Variants in NCKAP5 observed in about 807,000 individuals in gnomAD.
The protein encoded by NCKAP5 is nck-associated protein 5.
In NCKAP5, 92 loss-of-function variants were observed where a neutral mutation model predicts 167.0. The observed-to-expected ratio is 0.55, with a 90% CI of 0.47 to 0.66. NCKAP5 has a LOEUF of 0.66. NCKAP5 is among the 30% of genes least tolerant of loss of function. The pLI, the probability that NCKAP5 is intolerant of heterozygous loss-of-function variation, is 0.00. For synonymous variants in NCKAP5, 891 were observed against 877.4 expected (o/e 1.02, Z -0.27); for missense variants, 2,378 against 2,315.0 (o/e 1.03, Z -0.56).
At chr2:133,482,274 A>G (rs1246462425) in intron 3 of NCKAP5, among the ~76,000 whole-genome samples, 1 of 151,400 alleles carries the variant, frequency 6.6e-6, no homozygotes, top group Non-Finnish European at 1.5e-5. Context: ...CTGGAGTGCA[A>G]TGGTGTGATC....
the NCKAP5 span, among the ~76,000 whole-genome samples, chr2:133,610,690 A>G: frequency 6.6e-6 from 1 of 152,018 alleles, no homozygotes; most frequent in Non-Finnish European, 1.5e-5. Context: ...GTTAATAAAC[A>G]CACACACACA....
chr2:133,645,814 C>A, the NCKAP5 span, among the ~76,000 whole-genome samples: 5 of 151,742 alleles, frequency 3.3e-5, no homozygotes, highest in Non-Finnish European at 7.4e-5. Context: ...GATAACATAG[C>A]ATAAAAGTAT....
At chr2:133,536,112 C>A (rs1302923532) in intron 2 of NCKAP5, among the ~76,000 whole-genome samples, 1 of 152,014 alleles carries the variant, frequency 6.6e-6, no homozygotes, top group African/African-American at 2.4e-5. Flanking sequence ...TTGTTTATTT[C>A]TTTTGCTGTG....
At chr2:132,740,303 A>G (rs1173606092) in intron 16 of NCKAP5, among the ~76,000 whole-genome samples, 1 of 152,170 alleles carries the variant, frequency 6.6e-6, no homozygotes, top group Non-Finnish European at 1.5e-5. Context: ...GCAAGTGGTC[A>G]TGTAAATAAG....
intron 13 of NCKAP5, among the ~76,000 whole-genome samples, chr2:132,786,654 A>AG (rs936026938): frequency 2.0e-5 from 3 of 152,032 alleles, no homozygotes; most frequent in Non-Finnish European, 2.9e-5. Context: ...AAGAAATGGA[A>AG]GGGGGAAAAA....
chr2:133,480,260 G>A (rs1262730213), intron 3 of NCKAP5, among the ~76,000 whole-genome samples: 1 of 152,068 alleles, frequency 6.6e-6, no homozygotes, highest in Non-Finnish European at 1.5e-5. Context: ...ATAAATAGAG[G>A]ATGGTAGGGG....
intron 15 of NCKAP5, 145 bp from the exon 16 acceptor site, chr2:132,774,039 T>A (rs575554493): frequency 3.7e-6 from 2 of 542,616 alleles, no homozygotes; most frequent in African/African-American, 3.9e-5. Context: ...TGAGTATGTA[T>A]GTATACATAT....
chr2:133,323,202 G>T (rs1682186867), intron 3 of NCKAP5, among the ~76,000 whole-genome samples: 1 of 152,024 alleles, frequency 6.6e-6, no homozygotes, highest in Admixed American at 6.6e-5. Context: ...TGGATATTTG[G>T]CAATTTTCTT....
At chr2:133,441,377 C>T (rs1559487174) in intron 3 of NCKAP5, among the ~76,000 whole-genome samples, 1 of 152,156 alleles carries the variant, frequency 6.6e-6, no homozygotes, top group Non-Finnish European at 1.5e-5. Flanking sequence ...GATCTAGACT[C>T]AGAATCATGC....
intron 2 of NCKAP5, among the ~76,000 whole-genome samples, chr2:133,519,925 C>T (rs948781210): frequency 6.6e-6 from 1 of 152,140 alleles, no homozygotes; most frequent in African/African-American, 2.4e-5. Flanking sequence ...CGGTGGCTCA[C>T]ACCTGTCATC....
intron 3 of NCKAP5, among the ~76,000 whole-genome samples, chr2:133,426,945 T>C (rs977253004): frequency 6.6e-6 from 1 of 152,176 alleles, no homozygotes; most frequent in African/African-American, 2.4e-5. Flanking sequence ...CATAAAGTAG[T>C]GTAATGCAGT....
At chr2:132,882,880 G>C (rs1265438078) in intron 8 of NCKAP5, among the ~76,000 whole-genome samples, 1 of 151,796 alleles carries the variant, frequency 6.6e-6, no homozygotes, top group Non-Finnish European at 1.5e-5. Flanking sequence ...GTCTTCCTCT[G>C]TTACTTTTAA....
At chr2:132,714,813 A>T in intron 19 of NCKAP5, 1 of 27,682 alleles carries the variant, frequency 3.6e-5, no homozygotes, top group South Asian at 6.1e-4. Context: ...AATCCATCTC[A>T]AAAAAAAAAA....
At chr2:133,015,055 T>A (rs6708179) in intron 6 of NCKAP5, among the ~76,000 whole-genome samples, 43,219 of 151,908 alleles carry the variant, frequency 0.28, 6,599 homozygotes, top group East Asian at 0.62. Context: ...AATGAACACA[T>A]ACACTTTATA....
chr2:132,927,376 A>ATT (rs57951894), intron 8 of NCKAP5, among the ~76,000 whole-genome samples: 39 of 151,112 alleles, frequency 2.6e-4, no homozygotes, highest in African/African-American at 9.0e-4. Context: ...TACTTTTAGG[A>ATT]TTTTTTTTTC....
At chr2:133,460,848 T>C (rs1692158133) in intron 3 of NCKAP5, among the ~76,000 whole-genome samples, 1 of 152,192 alleles carries the variant, frequency 6.6e-6, no homozygotes, top group Non-Finnish European at 1.5e-5. Flanking sequence ...TACAACATTA[T>C]GATAAAAATT....
chr2:132,861,136 G>A (rs940616639), intron 10 of NCKAP5, among the ~76,000 whole-genome samples: 1 of 152,090 alleles, frequency 6.6e-6, no homozygotes, highest in Non-Finnish European at 1.5e-5. Context: ...CGAAGAGATG[G>A]CTTTTAAAAG....
chr2:133,282,740 G>T (rs1362934831), intron 4 of NCKAP5, among the ~76,000 whole-genome samples: 1 of 152,198 alleles, frequency 6.6e-6, no homozygotes, highest in Non-Finnish European at 1.5e-5. Flanking sequence ...TCAAGTAAAT[G>T]ACTCCCACTA....
chr2:132,902,204 A>C (rs894360974), intron 8 of NCKAP5, among the ~76,000 whole-genome samples: 8 of 152,208 alleles, frequency 5.3e-5, no homozygotes, highest in African/African-American at 1.9e-4. Context: ...AAAGTCAATT[A>C]TTATTCAAAG....
Sources: gnomAD v4.1 joint callset for allele counts (sites outside exome capture counted in the v4.1 genomes callset) on GRCh38, gnomAD v4.1.1 for gene constraint, MANE v1.5 for transcripts, NCBI Gene and HGNC (gene_info 2026-07-23, HGNC 2026-07-21) for gene names.